Variants in SAMD8 observed in about 807,000 individuals in gnomAD.
SAMD8 encodes the protein sterile alpha motif domain containing 8, also known as sphingomyelin synthase-related protein 1.
SAMD8 carries 20 observed loss-of-function variants against 42.0 expected under a neutral mutation model. That is an observed-to-expected ratio of 0.48 (90% confidence interval 0.34 to 0.69). The LOEUF (loss-of-function observed/expected upper bound fraction) is 0.69, where lower values mean the gene tolerates loss of function less well. Ranked by LOEUF, SAMD8 falls within the 30% of genes least tolerant of loss-of-function variation. The pLI, the probability that SAMD8 is intolerant of heterozygous loss-of-function variation, is 0.01. For missense variants in SAMD8, 328 were observed against 511.6 expected (o/e 0.64, Z 3.46); for synonymous variants, 162 against 173.0 (o/e 0.94, Z 0.50).
intron 1 of SAMD8, among the ~76,000 whole-genome samples, chr10:75,128,935 G>A (rs960538785): frequency 1.3e-5 from 2 of 152,100 alleles, no homozygotes; most frequent in Non-Finnish European, 1.5e-5. Context: ...TGACGAAAAT[G>A]TATTACTTCT....
In SAMD8 at chr10:75,176,161, C is replaced by T; in HGVS notation, c.888C>T (p.Tyr296=). 1 of 1,614,182 alleles carries T rather than the reference C, an allele frequency of 6.2e-7. No individual in the cohort carries two copies. Among genetic ancestry groups the T allele is most frequent in the Non-Finnish European group, 8.5e-7 (1 of 1,180,044 alleles). ...CTGGCGTTCACACATGTGGAGATTA[C>T]ATGTTTAGTGGCCACACAGTCGTCC... ...TLTGVHTCGD[Y]MFSGHTVVLT... The change falls in exon 5 of 6, where the codon TAC becomes TAT. Residue 296 remains tyrosine, a synonymous_variant. Transcript: ENST00000542569. The surrounding 1 kb of genome is among the most constrained non-coding windows in gnomAD (Gnocchi z 4.3).
chr10:75,122,527 C>G (rs1849027381), intron 1 of SAMD8, among the ~76,000 whole-genome samples: 1 of 151,654 alleles, frequency 6.6e-6, no homozygotes, highest in African/African-American at 2.4e-5. Flanking sequence ...GCATGAGAAT[C>G]ACTTGAACCC....
chr10:75,139,382 C>A (rs970294613), intron 1 of SAMD8, among the ~76,000 whole-genome samples: 1 of 152,040 alleles, frequency 6.6e-6, no homozygotes, highest in African/African-American at 2.4e-5. Flanking sequence ...TATTCCACTT[C>A]TAGAAATTTA....
At chr10:75,174,065 T>C (rs1157994849) in intron 4 of SAMD8, among the ~76,000 whole-genome samples, 1 of 152,224 alleles carries the variant, frequency 6.6e-6, no homozygotes, top group East Asian at 1.9e-4. Flanking sequence ...TATTATTAAA[T>C]TGTATTATTA....
At chr10:75,161,572 G>A (rs1239847530) in intron 2 of SAMD8, among the ~76,000 whole-genome samples, 2 of 151,816 alleles carry the variant, frequency 1.3e-5, no homozygotes, top group African/African-American at 4.8e-5. Flanking sequence ...AAGTAAATTG[G>A]AAAACAAAAT....
At position 75,176,852 on chromosome 10, in the gene SAMD8, AG is replaced by A; in HGVS notation, c.*161del. 1.7e-6 allele frequency: 1 copy of A among 598,094 alleles called. No homozygotes were observed. The highest frequency in any genetic ancestry group is 2.9e-6 in the Non-Finnish European group (1 of 347,010). 37.0% of individuals were successfully genotyped at this position (598,094 alleles called of 1,614,324 possible). A position where few individuals can be genotyped will look rare whatever the true frequency, so the allele number is the denominator to read the frequency against. On this transcript the variant is annotated 3_prime_UTR_variant, in exon 6 of 6. Coordinates refer to ENST00000542569, the MANE Select transcript of SAMD8 (RefSeq NM_001174156.2). The surrounding 1 kb of genome is among the most constrained non-coding windows in gnomAD (Gnocchi z 4.3). ...AAGTTATGATTATAAAAAGCAAGAA[AG>A]AACAATCAAGAGTCCTTATGTAGCT...
rs758561643 is a variant in SAMD8, at chr10:75,104,125, A to T, written c.-16+4397A>T. 8.4e-6 allele frequency: 11 copies of T among 1,314,820 alleles called. No homozygotes were observed. The South Asian group carries it at 1.3e-4, about 16-fold the overall frequency. The allele number at this position is 1,314,820 out of a possible 1,614,324, so 81.4% of individuals were successfully genotyped here. ...GGAAGAGAGATGAGCTCTGTGTTACAGGCAGGTGAACCAAGGCCCAGGCTG... is the reference window on the plus strand; with the variant it reads ...GGAAGAGAGATGAGCTCTGTGTTACTGGCAGGTGAACCAAGGCCCAGGCTG... On this transcript the variant is annotated intron_variant, in intron 1 of 3. Coordinates refer to the SAMD8 transcript ENST00000447533.
At chr10:75,164,794 T>C (rs1400739006) in intron 3 of SAMD8, 54 bp downstream of exon 3, 1 of 1,248,846 alleles carries the variant, frequency 8.0e-7, no homozygotes, top group Non-Finnish European at 1.2e-6. Flanking sequence ...TGTATCAAGA[T>C]CATAAAATCT....
chr10:75,121,966 A>G (rs1160182992), intron 1 of SAMD8, among the ~76,000 whole-genome samples: 2 of 152,250 alleles, frequency 1.3e-5, no homozygotes, highest in South Asian at 2.1e-4. Context: ...TGCTGGGATT[A>G]CAGGAGTAAG....
Position 75,177,586 on chromosome 10 carries a change from G to A in SAMD8, c.*894G>A, listed in dbSNP as rs1300944302. Reference sequence around the variant, plus strand: ...CCAGATGTTAGATAAAGTTCTTAATGCCGTTAAGTAGGGAGGTATGCATGC... The same window carrying A: ...CCAGATGTTAGATAAAGTTCTTAATACCGTTAAGTAGGGAGGTATGCATGC... On this transcript the variant is annotated 3_prime_UTR_variant, in exon 6 of 6. Coordinates refer to ENST00000542569, the MANE Select transcript of SAMD8 (RefSeq NM_001174156.2). 6.6e-6 allele frequency: 1 copy of A among 152,156 alleles called. No homozygotes were observed. The highest frequency in any genetic ancestry group is 1.5e-5 in the Non-Finnish European group (1 of 68,034). The allele number at this position is 152,156 out of a possible 1,614,324, so 9.4% of individuals were successfully genotyped here.
At chr10:75,108,325 C>A, upstream of SAMD8, 3 of 1,460,528 alleles carry the variant, frequency 2.1e-6, no homozygotes, top group Non-Finnish European at 2.7e-6. Flanking sequence ...GAGAGTCCAA[C>A]CCCAGCAAGC....
intron 1 of SAMD8, among the ~76,000 whole-genome samples, chr10:75,101,555 T>C (rs997870217): frequency 7.2e-5 from 11 of 152,208 alleles, no homozygotes; most frequent in East Asian, 1.9e-4. Flanking sequence ...CATTTTCTCA[T>C]TGAATCCTCA....
chr10:75,123,484 G>C (rs1389414167), intron 1 of SAMD8, among the ~76,000 whole-genome samples: 1 of 152,140 alleles, frequency 6.6e-6, no homozygotes, highest in Non-Finnish European at 1.5e-5. Context: ...GGTCTTCTCT[G>C]ATACCACCCT....
chr10:75,118,500 C>G (rs951290081), intron 1 of SAMD8, among the ~76,000 whole-genome samples: 1 of 152,076 alleles, frequency 6.6e-6, no homozygotes, highest in Non-Finnish European at 1.5e-5. Flanking sequence ...AAAAATTAGC[C>G]AGGTGTGGTG....
At chr10:75,166,252 T>G (rs1005791145) in intron 3 of SAMD8, among the ~76,000 whole-genome samples, 3 of 152,018 alleles carry the variant, frequency 2.0e-5, no homozygotes, top group African/African-American at 7.2e-5. Flanking sequence ...CTTTCCTAGT[T>G]TAATGGGCAG....
At chr10:75,134,644 A>G (rs550039561) in intron 1 of SAMD8, among the ~76,000 whole-genome samples, 1 of 152,206 alleles carries the variant, frequency 6.6e-6, no homozygotes, top group South Asian at 2.1e-4. Context: ...CCCCCAAAAA[A>G]AAGATTACAG....
chr10:75,103,310 G>T (rs541908082), intron 1 of SAMD8, among the ~76,000 whole-genome samples: 7 of 152,238 alleles, frequency 4.6e-5, no homozygotes, highest in Non-Finnish European at 7.3e-5. Flanking sequence ...TAAAGACCTA[G>T]AAGACTCAGG....
intron 1 of SAMD8, among the ~76,000 whole-genome samples, chr10:75,123,408 G>T (rs1849052486): frequency 6.6e-6 from 1 of 152,176 alleles, no homozygotes; most frequent in African/African-American, 2.4e-5. Flanking sequence ...TCCTCTGACA[G>T]CATGTTAAGA....
intron 1 of SAMD8, among the ~76,000 whole-genome samples, chr10:75,119,435 G>A (rs1848956144): frequency 6.6e-6 from 1 of 152,188 alleles, no homozygotes; most frequent in South Asian, 2.1e-4. Context: ...GGGATTACAG[G>A]CGTGAATCAA....
Sources: allele counts gnomAD v4.1 joint callset (sites outside exome capture counted in the v4.1 genomes callset), GRCh38; gene constraint gnomAD v4.1.1; non-coding constraint Gnocchi (gnomAD v3.1); transcripts MANE v1.5; gene names NCBI Gene and HGNC (gene_info 2026-07-23, HGNC 2026-07-21).